The following RBFOX2 variants were observed in gnomAD, a reference collection of about 807,000 sequenced individuals.
RBFOX2 encodes the protein RNA binding fox-1 homolog 2.
In RBFOX2, 10 loss-of-function variants were observed where a neutral mutation model predicts 49.1. The ratio of observed to expected loss-of-function variants is 0.20; its 90% confidence interval spans 0.13 to 0.35. The LOEUF is 0.35. Among genes scored for constraint, RBFOX2 ranks in the 10% least tolerant of loss-of-function variants. The pLI is 1.00. For synonymous variants in RBFOX2, 183 were observed against 187.4 expected (o/e 0.98, Z 0.19); for missense variants, 323 against 486.9 (o/e 0.66, Z 3.17).
upstream of RBFOX2, chr22:35,938,991 G>A (rs1380973006): frequency 1.2e-5 from 15 of 1,211,696 alleles, no homozygotes; most frequent in Non-Finnish European, 1.7e-5. Flanking sequence ...ATAAATTCCT[G>A]CCCTGGTTCC....
Position 35,980,909 on chromosome 22 carries a change from G to A in RBFOX2, c.187-42012C>T, listed in dbSNP as rs1270916770. Among the ~76,000 whole-genome samples, 9 of 152,132 alleles carry A rather than the reference G, an allele frequency of 5.9e-5. 1 individual carries two copies. In the East Asian group the frequency reaches 7.7e-4, roughly 13 times the overall value. On this transcript the variant is annotated intron_variant, in intron 1 of 13. Transcript: ENST00000438146. ...TCTAAGGAGCAACCTGACTTTGCACGCTTATGTATTTATGTTATGTGTTTT... is the reference window on the plus strand; with the variant it reads ...TCTAAGGAGCAACCTGACTTTGCACACTTATGTATTTATGTTATGTGTTTT...
At chr22:35,961,626 A>T (rs1419587141) in exon 1 of RBFOX2, 3 of 1,304,112 alleles carry the variant, frequency 2.3e-6, no homozygotes, top group Middle Eastern at 2.1e-4. Flanking sequence ...CCTTCCTGGA[A>T]TTCTAAACCC....
intron 2 of RBFOX2, among the ~76,000 whole-genome samples, chr22:35,792,499 GAATAA>G (rs1430631511): frequency 6.6e-6 from 1 of 151,962 alleles, no homozygotes; most frequent in African/African-American, 2.4e-5. Flanking sequence ...ATTTAAATTT[GAATAA>G]AATAAGATTA....
rs758984132 is a variant in RBFOX2, at chr22:36,028,344, G to C, written c.82C>G (p.Leu28Val). Residue 28 changes from leucine (L) to valine (V), a missense_variant, in exon 1 of 14, where the codon CTG becomes GTG. Coordinates refer to the RBFOX2 transcript ENST00000438146. ...CCCGCTCCGGGCACCGGCAGCTCCAGCTCCGACTCCCGCTTCATGCCCCGG... is the reference window on the plus strand; with the variant it reads ...CCCGCTCCGGGCACCGGCAGCTCCACCTCCGACTCCCGCTTCATGCCCCGG... 6.1e-6 allele frequency: 9 copies of C among 1,467,380 alleles called. No individual in the cohort carries two copies. In the Admixed American group the frequency reaches 2.0e-4, roughly 33 times the overall value. 90.9% of individuals were successfully genotyped at this position (1,467,380 alleles called of 1,614,324 possible).
intron 1 of RBFOX2, among the ~76,000 whole-genome samples, chr22:35,862,140 T>C (rs1246054722): frequency 1.3e-5 from 2 of 152,052 alleles, no homozygotes; most frequent in Non-Finnish European, 2.9e-5. Flanking sequence ...TAAGAGCATA[T>C]TGGGAGCACT....
At chr22:35,783,546 G>A (rs530492358) in intron 2 of RBFOX2, among the ~76,000 whole-genome samples, 288 of 152,162 alleles carry the variant, frequency 1.9e-3, no homozygotes, top group Non-Finnish European at 3.7e-3. Context: ...GCGAGTTTGG[G>A]GGGGCACAGC....
rs576018519 is a variant in RBFOX2, at chr22:35,864,557, C to T, written c.-33-54553G>A. On this transcript the variant is annotated intron_variant, in intron 1 of 13. Coordinates refer to the RBFOX2 transcript ENST00000359369. ...TTGATCTAATTCTCAAACTTCCCACCCCCAAAAGTAGAAATAAGAAAAATA... is the reference window on the plus strand; with the variant it reads ...TTGATCTAATTCTCAAACTTCCCACTCCCAAAAGTAGAAATAAGAAAAATA... 1.2e-4 allele frequency among the ~76,000 whole-genome samples: 18 copies of T among 152,188 alleles called. 1 individual carries two copies. The South Asian group carries it at 3.5e-3, about 30-fold the overall frequency.
chr22:35,786,540 GC>G (rs938510160), intron 2 of RBFOX2, among the ~76,000 whole-genome samples: 2 of 152,112 alleles, frequency 1.3e-5, no homozygotes, highest in Non-Finnish European at 2.9e-5. Flanking sequence ...ACCCTGGGGG[GC>G]CCCCACCAGT....
intron 1 of RBFOX2, among the ~76,000 whole-genome samples, chr22:36,002,792 T>C (rs2058479607): frequency 1.3e-5 from 2 of 152,222 alleles, no homozygotes; most frequent in African/African-American, 2.4e-5. Flanking sequence ...CCCAGCTAAT[T>C]TTTTTGTATG....
At chr22:35,743,943 T>G in exon 12 of RBFOX2, 1 of 375,966 alleles carries the variant, frequency 2.7e-6, no homozygotes, top group Non-Finnish European at 4.7e-6. Context: ...TTTTTTTTTT[T>G]TACCACAGTT....
chr22:35,928,100 T>A (rs2051890125), intron 1 of RBFOX2, among the ~76,000 whole-genome samples: 1 of 152,224 alleles, frequency 6.6e-6, no homozygotes, highest in Non-Finnish European at 1.5e-5. Context: ...CAACCTTTCA[T>A]AATAGGAATT....
intron 1 of RBFOX2, among the ~76,000 whole-genome samples, chr22:35,868,694 G>A (rs1347736597): frequency 6.6e-6 from 1 of 152,188 alleles, no homozygotes. Context: ...AGCTTCACAA[G>A]GCCCATGATC....
At chr22:35,782,258 T>C (rs1419331848) in intron 2 of RBFOX2, among the ~76,000 whole-genome samples, 1 of 152,218 alleles carries the variant, frequency 6.6e-6, no homozygotes, top group Non-Finnish European at 1.5e-5. Flanking sequence ...GAGTTACTAC[T>C]ACTATGTTGC....
chr22:35,783,726 C>T (rs1477258269), intron 2 of RBFOX2, among the ~76,000 whole-genome samples: 1 of 152,178 alleles, frequency 6.6e-6, no homozygotes, highest in Non-Finnish European at 1.5e-5. Flanking sequence ...CCCCAGACAC[C>T]ACGTGTCCTG....
chr22:35,898,246 C>T lies in RBFOX2; in HGVS notation c.-34+40601G>A, dbSNP rs983096335. ...TGCTCCAAACCCAGTGGCCACAATC[C>T]CACTGACTTGAGGAACATTCACCTT... On this transcript the variant is annotated intron_variant, in intron 1 of 13. Coordinates refer to the RBFOX2 transcript ENST00000359369. 3 of 756,238 alleles carry T rather than the reference C, an allele frequency of 4.0e-6. No homozygotes were observed. In the African/African-American group the frequency reaches 5.1e-5, roughly 13 times the overall value. The allele number at this position is 756,238 out of a possible 1,614,324, so 46.8% of individuals were successfully genotyped here. A position where few individuals can be genotyped will look rare whatever the true frequency, so the allele number is the denominator to read the frequency against.
intron 1 of RBFOX2, among the ~76,000 whole-genome samples, chr22:36,007,332 T>C (rs1019344409): frequency 1.3e-5 from 2 of 151,792 alleles, no homozygotes; most frequent in African/African-American, 4.8e-5. Flanking sequence ...GAATAAACAA[T>C]GTCATACACA....
intron 1 of RBFOX2, among the ~76,000 whole-genome samples, chr22:35,853,931 C>T (rs2042228195): frequency 6.6e-6 from 1 of 152,058 alleles, no homozygotes; most frequent in African/African-American, 2.4e-5. Context: ...TATGACTAGG[C>T]CAGGCACGGT....
chr22:35,992,578 G>T (rs1393471799), intron 1 of RBFOX2: 2 of 152,120 alleles, frequency 1.3e-5, no homozygotes, highest in African/African-American at 4.8e-5. Context: ...TTATTCTCTT[G>T]ATTCTTGAAC....
At chr22:35,954,920 C>T (rs1267376687) in intron 1 of RBFOX2, among the ~76,000 whole-genome samples, 1 of 152,172 alleles carries the variant, frequency 6.6e-6, no homozygotes, top group Non-Finnish European at 1.5e-5. Flanking sequence ...AAAGAGGAGA[C>T]TCACAGTAGG....
Sources: gnomAD v4.1 joint callset for allele counts (sites outside exome capture counted in the v4.1 genomes callset) on GRCh38, gnomAD v4.1.1 for gene constraint, MANE v1.5 for transcripts, NCBI Gene and HGNC (gene_info 2026-07-23, HGNC 2026-07-21) for gene names.